The following TTC28 variants were observed in gnomAD, a reference collection of about 807,000 sequenced individuals.
TTC28 encodes tetratricopeptide repeat protein 28.
Under a neutral mutation model 198.0 loss-of-function variants are expected in TTC28, and 61 were observed. The observed-to-expected ratio is 0.31, with a 90% CI of 0.25 to 0.38. The LOEUF (loss-of-function observed/expected upper bound fraction) is 0.38. TTC28 is among the 10% of genes least tolerant of loss of function. TTC28 has a pLI of 1.00. For missense variants in TTC28, 2,678 were observed against 3,164.0 expected (o/e 0.85, Z 3.69); for synonymous variants, 1,171 against 1,297.8 (o/e 0.90, Z 2.10).
At chr22:28,458,144 T>C (rs992040068) in intron 2 of TTC28, among the ~76,000 whole-genome samples, 3 of 152,288 alleles carry the variant, frequency 2.0e-5, no homozygotes, top group Non-Finnish European at 4.4e-5. Context: ...GTTTGCTGTG[T>C]TTTTACCTTA....
At chr22:28,280,508 T>C (rs1569237115) in intron 5 of TTC28, among the ~76,000 whole-genome samples, 2 of 152,016 alleles carry the variant, frequency 1.3e-5, no homozygotes, top group Non-Finnish European at 2.9e-5. Flanking sequence ...CTGGCTAATT[T>C]TGTATTTTTA....
chr22:28,475,149 C>CAAAAAAAAAAAAAAAAAAAAAA (rs386395148), intron 2 of TTC28, among the ~76,000 whole-genome samples: 6 of 64,994 alleles, frequency 9.2e-5, no homozygotes, highest in Non-Finnish European at 1.4e-4. Context: ...GACTCCATCT[C>CAAAAAAAAAAAAAAAAAAAAAA]AAAAAAAAAA....
At chr22:28,555,398 T>A (rs1056344755) in intron 2 of TTC28, among the ~76,000 whole-genome samples, 2 of 152,136 alleles carry the variant, frequency 1.3e-5, no homozygotes, top group African/African-American at 4.8e-5. Context: ...CACACCTATG[T>A]TTATAGCAGC....
chr22:28,098,740 C>A (rs1358331085), intron 10 of TTC28, among the ~76,000 whole-genome samples, 175 bp downstream of exon 10: 1 of 152,166 alleles, frequency 6.6e-6, no homozygotes, highest in Non-Finnish European at 1.5e-5. Flanking sequence ...CTCTACTAAT[C>A]TTTGTTGAAT....
At chr22:28,486,504 T>C (rs1201204989) in intron 2 of TTC28, among the ~76,000 whole-genome samples, 2 of 152,152 alleles carry the variant, frequency 1.3e-5, no homozygotes, top group Non-Finnish European at 2.9e-5. Flanking sequence ...GGGGGGGTGA[T>C]ATCCTTAAAA....
intron 1 of TTC28, among the ~76,000 whole-genome samples, chr22:28,635,137 C>T (rs1451458219): frequency 5.9e-5 from 9 of 151,786 alleles, no homozygotes; most frequent in Non-Finnish European, 1.0e-4. Flanking sequence ...CTGGCTAACA[C>T]GGTGAAACCC....
At chr22:28,059,163 G>A (rs969935738) in intron 12 of TTC28, among the ~76,000 whole-genome samples, 1 of 151,630 alleles carries the variant, frequency 6.6e-6, no homozygotes, top group Non-Finnish European at 1.5e-5. Flanking sequence ...CATGCTCTTC[G>A]TTTTCTAGCT....
intron 2 of TTC28, among the ~76,000 whole-genome samples, chr22:28,496,532 A>C (rs1457793373): frequency 6.6e-6 from 1 of 152,024 alleles, no homozygotes; most frequent in Admixed American, 6.6e-5. Context: ...TACCTTTTAA[A>C]ATATTTCCAA....
intron 12 of TTC28, among the ~76,000 whole-genome samples, chr22:28,058,558 G>A (rs893515772): frequency 6.6e-6 from 1 of 152,010 alleles, no homozygotes; most frequent in Non-Finnish European, 1.5e-5. Flanking sequence ...CTATATGCAT[G>A]AGTAATTTGG....
In TTC28 at chr22:28,574,492, G is replaced by A. The variant is rs549131625; in HGVS notation, c.381+55060C>T. On this transcript the variant is annotated intron_variant, in intron 2 of 22. Coordinates refer to ENST00000397906, the MANE Select transcript of TTC28 (RefSeq NM_001145418.2). Reference sequence around the variant, plus strand: ...ATGGTGCTGCAATAAATACCGGAGTGCAGCTATGTTTTTGATATACTGATT... The same window carrying A: ...ATGGTGCTGCAATAAATACCGGAGTACAGCTATGTTTTTGATATACTGATT... Among the ~76,000 whole-genome samples the A allele has an allele frequency of 3.9e-5, 6 of 152,262 alleles. No homozygotes were observed. The South Asian group carries it at 1.2e-3, about 32-fold the overall frequency.
At chr22:28,504,080 C>T (rs1458484283) in intron 2 of TTC28, among the ~76,000 whole-genome samples, 1 of 152,072 alleles carries the variant, frequency 6.6e-6, no homozygotes, top group African/African-American at 2.4e-5. Context: ...TAATATAAAC[C>T]TGGCAATAAA....
chr22:28,395,449 C>T (rs1335274877), intron 2 of TTC28, among the ~76,000 whole-genome samples: 1 of 151,896 alleles, frequency 6.6e-6, no homozygotes, highest in Non-Finnish European at 1.5e-5. Context: ...CTGGCTAACG[C>T]GGTAAAACCC....
At chr22:28,566,183 T>G in intron 2 of TTC28, among the ~76,000 whole-genome samples, 1 of 152,192 alleles carries the variant, frequency 6.6e-6, no homozygotes, top group East Asian at 1.9e-4. Flanking sequence ...CAGTTCCATT[T>G]AGGCAGTCAA....
chr22:28,539,660 CAG>C (rs1310346963), intron 2 of TTC28, among the ~76,000 whole-genome samples: 1 of 150,550 alleles, frequency 6.6e-6, no homozygotes, highest in Non-Finnish European at 1.5e-5. Flanking sequence ...AAGAAATAGA[CAG>C]AGAAAGAGGA....
At chr22:28,394,044 T>A (rs1293580659) in intron 2 of TTC28, among the ~76,000 whole-genome samples, 1 of 152,210 alleles carries the variant, frequency 6.6e-6, no homozygotes, top group Admixed American at 6.5e-5. Context: ...CAGGGTTCAC[T>A]TCCAAATAGC....
chr22:28,090,197 C>T (rs1162442708), intron 12 of TTC28, among the ~76,000 whole-genome samples: 2 of 151,618 alleles, frequency 1.3e-5, no homozygotes, highest in Non-Finnish European at 2.9e-5. Context: ...AAATAACAAG[C>T]ATCTATAATT....
intron 12 of TTC28, among the ~76,000 whole-genome samples, chr22:28,057,016 T>C (rs1267547464): frequency 6.6e-6 from 1 of 152,242 alleles, no homozygotes; most frequent in African/African-American, 2.4e-5. Context: ...TGTATAACCA[T>C]AGCACAGATG....
chr22:28,062,002 T>A lies in TTC28; in HGVS notation c.3933-31636A>T, dbSNP rs546678653. The stretch of plus-strand genomic sequence containing the variant: ...GCAATTGTGAATGGGAGTTCACTCA[T>A]GATTTGGCTCTCTGTTTGTCTGTTA... On this transcript the variant is annotated intron_variant, in intron 12 of 22. Coordinates refer to ENST00000397906, the MANE Select transcript of TTC28 (RefSeq NM_001145418.2). 2.1e-4 allele frequency among the ~76,000 whole-genome samples: 32 copies of A among 152,338 alleles called. No homozygotes were observed. The South Asian group carries it at 6.6e-3, about 32-fold the overall frequency.
At chr22:28,193,419 C>T (rs191264037) in intron 5 of TTC28, among the ~76,000 whole-genome samples, 85 of 152,268 alleles carry the variant, frequency 5.6e-4, no homozygotes, top group Non-Finnish European at 1.0e-3. Flanking sequence ...ATGACAGGAT[C>T]AAATTCACAC....
Sources: gnomAD v4.1 joint callset for allele counts (sites outside exome capture counted in the v4.1 genomes callset) on GRCh38, gnomAD v4.1.1 for gene constraint, MANE v1.5 for transcripts, NCBI Gene and HGNC (gene_info 2026-07-23, HGNC 2026-07-21) for gene names.